The following ETV3 variants were observed in gnomAD, a reference collection of about 807,000 sequenced individuals.
The protein encoded by ETV3 is ETS variant transcription factor 3, also known as ETS translocation variant 3.
ETV3 carries 8 observed loss-of-function variants against 33.0 expected under a neutral mutation model. That is an observed-to-expected ratio of 0.24 (90% CI 0.14 to 0.44). The LOEUF (loss-of-function observed/expected upper bound fraction) is 0.44, where lower values mean the gene tolerates loss of function less well. Among genes scored for constraint, ETV3 ranks in the 20% least tolerant of loss-of-function variants. ETV3 has a pLI of 1.00. For missense variants in ETV3, 473 were observed against 652.3 expected (o/e 0.73, Z 2.99); for synonymous variants, 222 against 238.9 (o/e 0.93, Z 0.65).
At chr1:157,137,380 G>T (rs554710846) in intron 1 of ETV3, among the ~76,000 whole-genome samples, 2 of 152,022 alleles carry the variant, frequency 1.3e-5, no homozygotes, top group South Asian at 4.2e-4. Flanking sequence ...CCTAACCTAG[G>T]ATTTCTCTAG....
rs1248044343 is a variant in ETV3 at position 157,131,630 on chromosome 1, CTA to C, written c.400+2480_400+2481del. On this transcript the variant is annotated intron_variant, in intron 4 of 4. Coordinates refer to ENST00000368192, the MANE Select transcript of ETV3 (RefSeq NM_001145312.3). Reference sequence around the variant, plus strand: ...TCCCTAGAAACTGTTCAATAGATAACTATTCAACCTACCCTGATCAGTCTTTA... The same window carrying C: ...TCCCTAGAAACTGTTCAATAGATAACTTCAACCTACCCTGATCAGTCTTTA... Among the ~76,000 whole-genome samples the C allele has an allele frequency of 3.3e-5, 5 of 152,342 alleles. No homozygotes were observed. In the East Asian group the frequency reaches 7.7e-4, roughly 23 times the overall value.
At position 157,121,988 on chromosome 1, in the gene ETV3, T is replaced by C. The variant is rs985177062; in HGVS notation, c.*2853A>G. On this transcript the variant is annotated 3_prime_UTR_variant, in exon 5 of 5. Transcript: ENST00000368192. ...TAAGAGATATTTACTGTTTTCTTTT[T>C]CTATAGCTAAAAAAGCAAACTTTAC... is the stretch of plus-strand genomic sequence containing the variant. The C allele has an allele frequency of 3.3e-5, 5 of 152,248 alleles. No homozygotes were observed. The highest frequency in any genetic ancestry group is 1.2e-4 in the African/African-American group (5 of 41,460). 9.4% of individuals were successfully genotyped at this position (152,248 alleles called of 1,614,324 possible).
rs896723090 is a variant in ETV3, at chr1:157,121,733, T to G, written c.*3108A>C. 1 of 152,210 alleles carries G rather than the reference T, an allele frequency of 6.6e-6. No individual in the cohort carries two copies. The highest frequency in any genetic ancestry group is 2.1e-4 in the South Asian group (1 of 4,832). The allele number at this position is 152,210 out of a possible 1,614,324, so 9.4% of individuals were successfully genotyped here. A position where few individuals can be genotyped will look rare whatever the true frequency, so the allele number is the denominator to read the frequency against. On this transcript the variant is annotated 3_prime_UTR_variant, in exon 5 of 5. Transcript: ENST00000368192. ...AAAAAACAAGGGACAAACAGCCAAC[T>G]GACTCTACCCACTTGGTGAGAAGTG...
At chr1:157,135,820 T>A (rs1026125446) in intron 2 of ETV3, 112 bp from the exon 3 acceptor site, 1 of 1,083,188 alleles carries the variant, frequency 9.2e-7, no homozygotes, top group African/African-American at 1.5e-5. Flanking sequence ...GCAAACATGC[T>A]GTAAGTACTC....
intron 4 of ETV3, among the ~76,000 whole-genome samples, chr1:157,129,793 G>C (rs1296281297): frequency 1.3e-5 from 2 of 152,134 alleles, no homozygotes; most frequent in Non-Finnish European, 2.9e-5. Context: ...ATAATGTGCA[G>C]GGAAAGGTCT....
rs1293259574 is a variant in ETV3 at position 157,124,758 on chromosome 1, T to TC, written c.*82dup. On this transcript the variant is annotated 3_prime_UTR_variant, in exon 5 of 5. Transcript: ENST00000368192. ...GAATGATCAAACCAGTTTAACTCCC[T>TC]CCCCCCCACCCTGAAATCTTGCTAC... 1.5e-3 allele frequency: 263 copies of TC among 180,078 alleles called. 4 individuals carry two copies. The highest frequency in any genetic ancestry group is 2.2e-3 in the South Asian group (52 of 23,712). The allele number at this position is 180,078 out of a possible 1,614,324, so 11.2% of individuals were successfully genotyped here. A position where few individuals can be genotyped will look rare whatever the true frequency, so the allele number is the denominator to read the frequency against.
At chr1:157,130,117 C>T (rs954690833) in intron 4 of ETV3, among the ~76,000 whole-genome samples, 2 of 152,162 alleles carry the variant, frequency 1.3e-5, no homozygotes, top group Non-Finnish European at 2.9e-5. Context: ...GCTGGGATTA[C>T]AGGCGTGAGC....
intron 4 of ETV3, among the ~76,000 whole-genome samples, chr1:157,129,659 TCTA>T (rs967334540): frequency 6.6e-5 from 10 of 152,216 alleles, no homozygotes; most frequent in African/African-American, 2.2e-4. Flanking sequence ...AATGTATTCT[TCTA>T]CTAGCTTATT....
At chr1:157,134,026 C>T in intron 4 of ETV3, 86 bp downstream of exon 4, 1 of 1,554,994 alleles carries the variant, frequency 6.4e-7, no homozygotes, top group South Asian at 1.2e-5. Flanking sequence ...TAAAATCTTC[C>T]TAAACATGCC....
intron 1 of ETV3, among the ~76,000 whole-genome samples, chr1:157,136,808 G>GA (rs1232439585): frequency 6.6e-6 from 1 of 152,140 alleles, no homozygotes; most frequent in Non-Finnish European, 1.5e-5. Flanking sequence ...TTTAAAGGAT[G>GA]AAAAAATCCC....
intron 1 of ETV3, among the ~76,000 whole-genome samples, chr1:157,136,683 G>C (rs1675120874): frequency 6.6e-6 from 1 of 152,046 alleles, no homozygotes. Flanking sequence ...AAAAAGGAAG[G>C]TACAGTGAAA....
intron 4 of ETV3, among the ~76,000 whole-genome samples, chr1:157,132,660 CGA>C (rs1467209336): frequency 6.6e-6 from 1 of 151,756 alleles, no homozygotes; most frequent in Non-Finnish European, 1.5e-5. Flanking sequence ...ATTTGAGTGG[CGA>C]GTACAGGTCT....
rs544019440 is a variant in ETV3 at position 157,131,373 on chromosome 1, C to T, written c.400+2739G>A. ...CAACTGTCTCAACCCACCTTGTGGA[C>T]ATGATCTCAATGGCCTCCAGGATCT... On this transcript the variant is annotated intron_variant, in intron 4 of 4. Coordinates refer to ENST00000368192, the MANE Select transcript of ETV3 (RefSeq NM_001145312.3). Among the ~76,000 whole-genome samples, 132 of 152,326 alleles carry T rather than the reference C, an allele frequency of 8.7e-4. No individual in the cohort carries two copies. In the Middle Eastern group the frequency reaches 0.017, roughly 20 times the overall value.
At position 157,135,657 on chromosome 1, in the gene ETV3, C is replaced by T. The variant is rs1441447162; in HGVS notation, c.98G>A (p.Arg33Gln). ...AYKTESSPGSRQIQLWHFILE... is the reference protein window; with the variant it reads ...AYKTESSPGSQQIQLWHFILE... ...GATGAAGTGCCACAGCTGGATCTGC[C>T]GGGAGCCTGGGGATGACTCTGTTTT... The change falls in exon 3 of 5, where the codon CGG (arginine) becomes CAG (glutamine). Residue 33 changes from arginine (R) to glutamine (Q), a missense_variant. Coordinates refer to ENST00000368192, the MANE Select transcript of ETV3 (RefSeq NM_001145312.3). 2.0e-5 allele frequency: 33 copies of T among 1,614,034 alleles called. No individual in the cohort carries two copies. Among genetic ancestry groups the T allele is most frequent in the Non-Finnish European group, 2.4e-5 (28 of 1,180,026 alleles).
At position 157,135,221 on chromosome 1, in the gene ETV3, GCTGT is replaced by G. The variant is rs1675070712; in HGVS notation, c.284+246_284+249del. ...TCTCGCCCACTACAGAGCAGAATCA[GCTGT>G]CTGTCAGGATCCAGTGCCAGCCACA... On this transcript the variant is annotated intron_variant, in intron 3 of 4. Transcript: ENST00000368192. The G allele has an allele frequency of 5.0e-6, 3 of 594,524 alleles. No homozygotes were observed. In the East Asian group the frequency reaches 8.4e-5, roughly 17 times the overall value. The allele number at this position is 594,524 out of a possible 1,614,324, so 36.8% of individuals were successfully genotyped here.
At chr1:157,131,943 A>G (rs774710391) in intron 4 of ETV3, among the ~76,000 whole-genome samples, 23 of 152,198 alleles carry the variant, frequency 1.5e-4, no homozygotes, top group Non-Finnish European at 3.2e-4. Flanking sequence ...TAGATGTACT[A>G]AAAGAAATGT....
intron 4 of ETV3, chr1:157,128,509 CA>C: frequency 3.7e-6 from 1 of 272,466 alleles, no homozygotes; most frequent in Admixed American, 3.6e-5. Context: ...TTCTCTTACA[CA>C]GATGCCAATA....
chr1:157,129,787 T>C (rs1674927330), intron 4 of ETV3, among the ~76,000 whole-genome samples: 1 of 152,156 alleles, frequency 6.6e-6, no homozygotes, highest in Non-Finnish European at 1.5e-5. Flanking sequence ...GGAAGTATAA[T>C]GTGCAGGGAA....
intron 4 of ETV3, among the ~76,000 whole-genome samples, chr1:157,131,103 T>G (rs1281893641): frequency 6.6e-6 from 1 of 152,218 alleles, no homozygotes; most frequent in East Asian, 1.9e-4. Flanking sequence ...GTGTTTACTG[T>G]CCTTCTTCCA....
Sources: gnomAD v4.1 joint callset for allele counts (sites outside exome capture counted in the v4.1 genomes callset) on GRCh38, gnomAD v4.1.1 for gene constraint, MANE v1.5 for transcripts, NCBI Gene and HGNC (gene_info 2026-07-23, HGNC 2026-07-21) for gene names.